MCM9: variants seen among roughly 807,000 people sequenced by gnomAD.
MCM9 encodes the protein DNA helicase MCM9.
MCM9 carries 55 observed loss-of-function variants against 72.8 expected under a neutral mutation model. The observed-to-expected ratio is 0.76, with a 90% CI of 0.61 to 0.95. MCM9 has a LOEUF of 0.95. Among genes scored for constraint, MCM9 ranks in the 40% least tolerant of loss-of-function variants. The pLI, the probability that MCM9 is intolerant of heterozygous loss-of-function variation, is 0.00. For synonymous variants in MCM9, 480 were observed against 503.4 expected (o/e 0.95, Z 0.62); for missense variants, 1,279 against 1,377.0 (o/e 0.93, Z 1.13).
intron 9 of MCM9, among the ~76,000 whole-genome samples, chr6:118,842,694 A>AT (rs1381264706): frequency 6.6e-6 from 1 of 152,042 alleles, no homozygotes; most frequent in Non-Finnish European, 1.5e-5. Context: ...TATTTTTAAA[A>AT]TTTTTTGAAG....
rs866809075 is a variant in MCM9, at chr6:118,933,966, A to C, written c.-150+925T>G. On this transcript the variant is annotated intron_variant, in intron 1 of 13. Transcript: ENST00000619706. ...ATCTCCACAATGTGGACTTTGCCCA[A>C]AAAAAAAAAAAAAAAAATCTGGACT... is the stretch of plus-strand genomic sequence containing the variant. Among the ~76,000 whole-genome samples, 1,107 of 135,160 alleles carry C rather than the reference A, an allele frequency of 8.2e-3. 9 individuals are homozygous for C. The highest frequency in any genetic ancestry group is 0.027 in the South Asian group (127 of 4,622). The allele number at this position is 135,160 out of a possible 152,430, so 88.7% of individuals were successfully genotyped here. A position where few individuals can be genotyped will look rare whatever the true frequency, so the allele number is the denominator to read the frequency against.
At chr6:118,860,120 C>G (rs1776809207) in intron 8 of MCM9, among the ~76,000 whole-genome samples, 1 of 152,042 alleles carries the variant, frequency 6.6e-6, no homozygotes. Context: ...GCAGAAAATA[C>G]AGTTTGAAGA....
intron 5 of MCM9, 97 bp from the exon 6 acceptor site, chr6:118,917,858 CCTTA>C: frequency 9.5e-7 from 1 of 1,050,044 alleles, no homozygotes; most frequent in Admixed American, 1.9e-5. Flanking sequence ...TAAACCACTC[CCTTA>C]CTAGAGTTTA....
chr6:118,913,635 T>C (rs567344728), intron 6 of MCM9, among the ~76,000 whole-genome samples: 1 of 152,356 alleles, frequency 6.6e-6, no homozygotes, highest in African/African-American at 2.4e-5. Flanking sequence ...GGTCTCACTC[T>C]GTCACCTAGG....
rs187642497 is a variant in MCM9, at chr6:118,828,933, T to C, written c.1528+115A>G. ...GCTTTCTGTCTAAGCTTTTCTCTAT[T>C]GCCTGGTACTACATAGCCTATCTTG... On this transcript the variant is annotated intron_variant, in intron 10 of 13. Coordinates refer to ENST00000619706, the MANE Select transcript of MCM9 (RefSeq NM_017696.3). The C allele has an allele frequency of 6.3e-4, 656 of 1,046,782 alleles. 2 individuals are homozygous for C. The African/African-American group carries it at 9.0e-3, about 14-fold the overall frequency. The allele number at this position is 1,046,782 out of a possible 1,614,324, so 64.8% of individuals were successfully genotyped here.
Position 118,815,065 on chromosome 6 carries a change from G to A in MCM9, c.3191C>T (p.Thr1064Ile). 5 of 1,550,736 alleles carry A rather than the reference G, an allele frequency of 3.2e-6. No individual in the cohort carries two copies. In the East Asian group the frequency reaches 1.2e-4, roughly 38 times the overall value. Residue 1064 changes from threonine to isoleucine, a missense_variant, in exon 14 of 14, where the codon ACT (threonine) becomes ATT (isoleucine). Thr to Ile is a moderately conservative substitution (Grantham distance 89). Coordinates refer to ENST00000619706, the MANE Select transcript of MCM9 (RefSeq NM_017696.3). ...TTTTGATTTGGATTCCGATGGGGGA[G>A]TAAAGCAGAAGTTTGCCAATCTGGC... ...TLARLANFCF[T>I]PPSESKSKSP...
rs571236578 is a variant in MCM9 at position 118,842,976 on chromosome 6, G to T, written c.1325+13395C>A. On this transcript the variant is annotated intron_variant, in intron 9 of 13. Transcript: ENST00000619706. The stretch of plus-strand genomic sequence containing the variant: ...AACATAAAGAACAACAAAATTATTG[G>T]TCTTCACAAGCATGTATTGATTCAA... 2.6e-4 allele frequency among the ~76,000 whole-genome samples: 39 copies of T among 152,194 alleles called. No homozygotes were observed. The South Asian group carries it at 5.2e-3, about 20-fold the overall frequency.
At chr6:118,838,347 G>T (rs1223229621) in intron 9 of MCM9, among the ~76,000 whole-genome samples, 8 of 141,144 alleles carry the variant, frequency 5.7e-5, no homozygotes, top group African/African-American at 2.1e-4. Context: ...CTTTATTAGA[G>T]ACTGGGTTTC....
intron 8 of MCM9, chr6:118,900,859 G>A: frequency 6.2e-7 from 1 of 1,612,888 alleles, no homozygotes; most frequent in Non-Finnish European, 8.5e-7. Flanking sequence ...GTTCCCGCAG[G>A]AAGGCATATG....
intron 8 of MCM9, among the ~76,000 whole-genome samples, chr6:118,896,576 C>CA (rs2114496285): frequency 6.6e-6 from 1 of 152,256 alleles, no homozygotes; most frequent in Admixed American, 6.5e-5. Context: ...GTACTGGTGT[C>CA]AAAAACATAC....
At position 118,907,531 on chromosome 6, in the gene MCM9, G is replaced by T. The variant is rs754840793; in HGVS notation, c.1150+4119C>A. ...TCTACAGTCACTTCTTTCAACAGAT[G>T]CATTACCTTCAGCATCAAAGGGATG... On this transcript the variant is annotated intron_variant, in intron 8 of 13. Transcript: ENST00000619706. 1.9e-6 allele frequency: 3 copies of T among 1,613,692 alleles called. No homozygotes were observed. In the Admixed American group the frequency reaches 5.0e-5, roughly 27 times the overall value.
chr6:118,924,009 A>C lies in MCM9; in HGVS notation c.423T>G (p.Phe141Leu), dbSNP rs1212125838. ...IRTSLVKVLE[F>L]ERDYMCNKCK... is the part of the protein sequence containing the mutation. ...ATTTGTTACACATGTAATCCCGCTC[A>C]AACTCCAGAACCTTCACCAGACTTG... The change falls in exon 4 of 14, where the codon TTT (phenylalanine) becomes TTG (leucine). Residue 141 changes from phenylalanine (F) to leucine (L), a missense_variant. Phe to Leu is a conservative substitution (Grantham distance 22). Transcript: ENST00000619706. 1 of 1,614,098 alleles carries C rather than the reference A, an allele frequency of 6.2e-7. No individual in the cohort carries two copies. The highest frequency in any genetic ancestry group is 8.5e-7 in the Non-Finnish European group (1 of 1,180,046).
chr6:118,933,819 T>A (rs1451685574), intron 1 of MCM9, among the ~76,000 whole-genome samples: 1 of 152,072 alleles, frequency 6.6e-6, no homozygotes, highest in Non-Finnish European at 1.5e-5. Flanking sequence ...AGAGTAAGAA[T>A]GAGTAAATGT....
chr6:118,920,245 A>G (rs950241643), intron 5 of MCM9: 5 of 152,218 alleles, frequency 3.3e-5, no homozygotes. Context: ...GGGGTTGCTT[A>G]GCAGGCAATC....
intron 8 of MCM9, among the ~76,000 whole-genome samples, chr6:118,892,092 T>C (rs145926767): frequency 0.01 from 1,579 of 152,318 alleles, 30 homozygotes; most frequent in African/African-American, 0.036. Flanking sequence ...TGCCAGGACA[T>C]ATCTGAGGAA....
At chr6:118,894,817 C>A (rs765827001) in intron 8 of MCM9, among the ~76,000 whole-genome samples, 1 of 152,212 alleles carries the variant, frequency 6.6e-6, no homozygotes, top group Non-Finnish European at 1.5e-5. Flanking sequence ...CGCACTCGCT[C>A]CCGCTGCGCC....
At chr6:118,824,035 C>CTTTTT (rs137881254) in intron 13 of MCM9, among the ~76,000 whole-genome samples, 1 of 54,294 alleles carries the variant, frequency 1.8e-5, no homozygotes, top group African/African-American at 7.6e-5. Flanking sequence ...GCAAACCCAC[C>CTTTTT]TTTTTTTTTT....
chr6:118,854,182 ACTT>A (rs1776408477), intron 9 of MCM9, among the ~76,000 whole-genome samples: 1 of 152,116 alleles, frequency 6.6e-6, no homozygotes, highest in South Asian at 2.1e-4. Context: ...AGCAGTTTTG[ACTT>A]CTTCCTTTCT....
chr6:118,926,634 A>C (rs114374996), intron 3 of MCM9, among the ~76,000 whole-genome samples: 1,589 of 152,314 alleles, frequency 0.01, 30 homozygotes, highest in African/African-American at 0.036. Flanking sequence ...TGACTAAATA[A>C]TATTCCACTG....
Sources: gnomAD v4.1 joint callset for allele counts (sites outside exome capture counted in the v4.1 genomes callset) on GRCh38, gnomAD v4.1.1 for gene constraint, MANE v1.5 for transcripts, NCBI Gene and HGNC (gene_info 2026-07-23, HGNC 2026-07-21) for gene names.